Variants in ANKS6 observed in about 807,000 individuals in gnomAD.
ANKS6 encodes ankyrin repeat and sterile alpha motif domain containing 6.
A neutral mutation model predicts 77.9 loss-of-function variants in ANKS6; 47 were observed. That is an observed-to-expected ratio of 0.60 (90% CI 0.48 to 0.77). ANKS6 has a LOEUF of 0.77. ANKS6 is among the 30% of genes least tolerant of loss of function. The probability of loss-of-function intolerance (pLI) is 0.00; values close to 1 mark genes in which losing one functional copy is unlikely to be tolerated. For missense variants in ANKS6, 1,150 were observed against 1,159.1 expected (o/e 0.99, Z 0.11); for synonymous variants, 488 against 501.7 (o/e 0.97, Z 0.37).
At chr9:98,789,880 G>C in intron 2 of ANKS6, 1 of 554,698 alleles carries the variant, frequency 1.8e-6, no homozygotes, top group South Asian at 5.3e-5. Flanking sequence ...AGGCTTCCAG[G>C]CTCTTGCCCA....
chr9:98,756,227 T>C (rs775483744), intron 12 of ANKS6, among the ~76,000 whole-genome samples, 193 bp downstream of exon 12: 25 of 152,160 alleles, frequency 1.6e-4, no homozygotes, highest in Admixed American at 9.8e-4. Flanking sequence ...TTGAGGGAGC[T>C]TACCATACCT....
At chr9:98,786,791 C>T (rs1288420751) in intron 2 of ANKS6, among the ~76,000 whole-genome samples, 1 of 152,174 alleles carries the variant, frequency 6.6e-6, no homozygotes, top group Non-Finnish European at 1.5e-5. Context: ...AAAAGAGTGT[C>T]ACCTGGTCTT....
At position 98,732,764 on chromosome 9, in the gene ANKS6, G is replaced by A. The variant is rs755560098; in HGVS notation, c.*3755C>T. ...GAAGAAGAAACGTGCTCAACATCAC[G>A]CAGCACTAGGTCTATGTCCAGTGCT... On this transcript the variant is annotated 3_prime_UTR_variant, in exon 15 of 15. Coordinates refer to ENST00000353234, the MANE Select transcript of ANKS6 (RefSeq NM_173551.5). The A allele has an allele frequency of 1.3e-5, 19 of 1,415,650 alleles. No homozygotes were observed. The highest frequency in any genetic ancestry group is 5.8e-5 in the African/African-American group (4 of 69,244). The allele number at this position is 1,415,650 out of a possible 1,614,324, so 87.7% of individuals were successfully genotyped here. A position where few individuals can be genotyped will look rare whatever the true frequency, so the allele number is the denominator to read the frequency against.
intron 1 of ANKS6, among the ~76,000 whole-genome samples, chr9:98,793,908 T>C (rs571068739): frequency 2.0e-5 from 3 of 147,272 alleles, no homozygotes; most frequent in Non-Finnish European, 4.5e-5. Flanking sequence ...TCGCAGCACT[T>C]TGGGAGGCCG....
At chr9:98,795,510 C>A (rs1835125822) in intron 1 of ANKS6, among the ~76,000 whole-genome samples, 1 of 152,154 alleles carries the variant, frequency 6.6e-6, no homozygotes, top group African/African-American at 2.4e-5. Context: ...ACATTCTACG[C>A]ATACCTCATT....
chr9:98,732,430 A>G lies in ANKS6; in HGVS notation c.*4089T>C, dbSNP rs940617329. The G allele has an allele frequency of 3.4e-6, 5 of 1,487,768 alleles. No homozygotes were observed. The East Asian group carries it at 9.9e-5, about 29-fold the overall frequency. The allele number at this position is 1,487,768 out of a possible 1,614,324, so 92.2% of individuals were successfully genotyped here. A position where few individuals can be genotyped will look rare whatever the true frequency, so the allele number is the denominator to read the frequency against. ...GACAGCAAGACCCAGAGTCAGGCAC[A>G]TTTGGAGGGCAGGTCCATCGGCCAC... On this transcript the variant is annotated 3_prime_UTR_variant, in exon 15 of 15. Coordinates refer to ENST00000353234, the MANE Select transcript of ANKS6 (RefSeq NM_173551.5).
In ANKS6 at chr9:98,795,977, G is replaced by C. The variant is rs538421630; in HGVS notation, c.359+156C>G. Reference sequence around the variant, plus strand: ...AATTCAAAAGTGTTTCCACGTCTATGCTCAAAGTTTACAAAAGACTACTCA... The same window carrying C: ...AATTCAAAAGTGTTTCCACGTCTATCCTCAAAGTTTACAAAAGACTACTCA... On this transcript the variant is annotated intron_variant, in intron 1 of 14. Coordinates refer to ENST00000353234, the MANE Select transcript of ANKS6 (RefSeq NM_173551.5). The C allele has an allele frequency of 5.2e-6, 4 of 763,550 alleles. No homozygotes were observed. In the South Asian group the frequency reaches 2.6e-4, roughly 49 times the overall value. The allele number at this position is 763,550 out of a possible 1,614,324, so 47.3% of individuals were successfully genotyped here.
Position 98,751,026 on chromosome 9 carries a change from T to TA in ANKS6, c.2394+2dup. Reference sequence around the variant, plus strand: ...AATTGACATTCAAAAAGAGCATTCTTACCTCTTGTTCCTCAAAAATGGGCT... The same window carrying TA: ...AATTGACATTCAAAAAGAGCATTCTTAACCTCTTGTTCCTCAAAAATGGGCT... On this transcript the variant is annotated splice_region_variant and intron_variant, in intron 13 of 14. Transcript: ENST00000353234. 6.2e-7 allele frequency: 1 copy of TA among 1,604,492 alleles called. No individual in the cohort carries two copies. Among genetic ancestry groups the TA allele is most frequent in the Non-Finnish European group, 8.5e-7 (1 of 1,175,058 alleles).
chr9:98,740,500 A>C (rs910612355), intron 14 of ANKS6, among the ~76,000 whole-genome samples: 1 of 152,214 alleles, frequency 6.6e-6, no homozygotes, highest in African/African-American at 2.4e-5. Context: ...ACTGAAGCTC[A>C]CCCTGAGATA....
chr9:98,781,475 G>T (rs1361136113), intron 5 of ANKS6, among the ~76,000 whole-genome samples: 1 of 152,208 alleles, frequency 6.6e-6, no homozygotes, highest in South Asian at 2.1e-4. Flanking sequence ...CAATGAGGTG[G>T]AGTAGGATCA....
chr9:98,780,175 A>T lies in ANKS6; in HGVS notation c.1368+14T>A. On this transcript the variant is annotated intron_variant, in intron 6 of 14. Transcript: ENST00000353234. ...CCTAGCCCCCAAGCCCCTTTAAGACAGGAAAAGGCAAACCTTCAGTCCACC... is the reference window on the plus strand; with the variant it reads ...CCTAGCCCCCAAGCCCCTTTAAGACTGGAAAAGGCAAACCTTCAGTCCACC... The T allele has an allele frequency of 6.2e-7, 1 of 1,613,020 alleles. No homozygotes were observed. The highest frequency in any genetic ancestry group is 8.5e-7 in the Non-Finnish European group (1 of 1,179,932).
Position 98,736,141 on chromosome 9 carries a change from A to G in ANKS6, c.*378T>C. The G allele has an allele frequency of 8.7e-7, 1 of 1,151,442 alleles. No homozygotes were observed. Among genetic ancestry groups the G allele is most frequent in the Non-Finnish European group, 1.1e-6 (1 of 934,702 alleles). The allele number at this position is 1,151,442 out of a possible 1,614,324, so 71.3% of individuals were successfully genotyped here. A position where few individuals can be genotyped will look rare whatever the true frequency, so the allele number is the denominator to read the frequency against. ...GCAGGAGTGATGTGTGTCAGTTAAG[A>G]GCAAGGCAGGTAAGAAGCAGCCGTG... is the stretch of plus-strand genomic sequence containing the variant. On this transcript the variant is annotated 3_prime_UTR_variant, in exon 15 of 15. Transcript: ENST00000353234.
At chr9:98,740,187 C>T (rs1363181237) in intron 14 of ANKS6, among the ~76,000 whole-genome samples, 1 of 152,106 alleles carries the variant, frequency 6.6e-6, no homozygotes, top group Non-Finnish European at 1.5e-5. Flanking sequence ...TCCCCATAGC[C>T]CAGAGGGGCC....
intron 10 of ANKS6, 93 bp downstream of exon 10, chr9:98,770,803 G>C: frequency 3.2e-6 from 4 of 1,235,118 alleles, no homozygotes; most frequent in Non-Finnish European, 4.1e-6. Flanking sequence ...GGTCATTTCT[G>C]CGACTGTCTG....
In ANKS6 at chr9:98,733,190, C is replaced by T. The variant is rs1199975746; in HGVS notation, c.*3329G>A. 1.1e-5 allele frequency: 11 copies of T among 984,448 alleles called. No individual in the cohort carries two copies. Among genetic ancestry groups the T allele is most frequent in the African/African-American group, 3.5e-5 (2 of 57,192 alleles). The allele number at this position is 984,448 out of a possible 1,614,324, so 61.0% of individuals were successfully genotyped here. A position where few individuals can be genotyped will look rare whatever the true frequency, so the allele number is the denominator to read the frequency against. ...TGGCACAGGGTAGATGCTCAGTAAACGTTCGGTAAACAAAAGAATTAAAAA... is the reference window on the plus strand; with the variant it reads ...TGGCACAGGGTAGATGCTCAGTAAATGTTCGGTAAACAAAAGAATTAAAAA... On this transcript the variant is annotated 3_prime_UTR_variant, in exon 15 of 15. Transcript: ENST00000353234.
At chr9:98,761,896 T>G (rs1469760711) in intron 11 of ANKS6, among the ~76,000 whole-genome samples, 1 of 152,148 alleles carries the variant, frequency 6.6e-6, no homozygotes, top group East Asian at 1.9e-4. Flanking sequence ...TTTTTGTACC[T>G]CAATATAAAA....
chr9:98,738,586 A>T (rs1157250989), intron 14 of ANKS6, among the ~76,000 whole-genome samples: 2 of 152,008 alleles, frequency 1.3e-5, no homozygotes, highest in South Asian at 2.1e-4. Flanking sequence ...TAAAATAAAA[A>T]AAAAAACAGT....
At chr9:98,746,813 G>T (rs1329876029) in intron 13 of ANKS6, among the ~76,000 whole-genome samples, 1 of 152,178 alleles carries the variant, frequency 6.6e-6, no homozygotes, top group Non-Finnish European at 1.5e-5. Context: ...CCCAGTCCGG[G>T]CCCTTCCCCC....
chr9:98,776,757 C>T (rs1833943353), intron 8 of ANKS6, among the ~76,000 whole-genome samples: 4 of 152,170 alleles, frequency 2.6e-5, no homozygotes, highest in Admixed American at 6.5e-5. Context: ...CTTCTCCCCT[C>T]CTCTCTCCTG....
Sources: allele counts gnomAD v4.1 joint callset (sites outside exome capture counted in the v4.1 genomes callset), GRCh38; gene constraint gnomAD v4.1.1; transcripts MANE v1.5; gene names NCBI Gene and HGNC (gene_info 2026-07-23, HGNC 2026-07-21).